The following CCSER1 variants were observed in gnomAD, a reference collection of about 807,000 sequenced individuals.
CCSER1 encodes serine-rich coiled-coil domain-containing protein 1.
Under a neutral mutation model 82.0 loss-of-function variants are expected in CCSER1, and 41 were observed. The observed-to-expected ratio is 0.50, with a 90% CI of 0.39 to 0.65. The LOEUF (loss-of-function observed/expected upper bound fraction) is 0.65, where lower values mean the gene tolerates loss of function less well. CCSER1 is among the 30% of genes least tolerant of loss of function. The pLI is 0.00. For missense variants in CCSER1, 1,119 were observed against 1,064.2 expected, an observed-to-expected ratio of 1.05 and a Z score of -0.72; for synonymous variants, 414 against 383.9, an observed-to-expected ratio of 1.08 and a Z score of -0.92.
intron 3 of CCSER1, among the ~76,000 whole-genome samples, chr4:90,337,663 T>C (rs1303254314): frequency 6.6e-6 from 1 of 152,080 alleles, no homozygotes; most frequent in Non-Finnish European, 1.5e-5. Context: ...TAAAAATTAC[T>C]GAGGATCAAA....
At chr4:90,722,478 A>G (rs1368120391) in intron 6 of CCSER1, among the ~76,000 whole-genome samples, 1 of 151,844 alleles carries the variant, frequency 6.6e-6, no homozygotes, top group Non-Finnish European at 1.5e-5. Context: ...ATAATCAGAG[A>G]GCGAGAGTCA....
At chr4:90,733,985 C>T (rs763093527) in intron 7 of CCSER1, among the ~76,000 whole-genome samples, 9 of 151,942 alleles carry the variant, frequency 5.9e-5, no homozygotes, top group Non-Finnish European at 1.2e-4. Flanking sequence ...TCTTTTTGCT[C>T]AGGATAGCTT....
At chr4:90,958,623 C>G (rs958305567) in intron 9 of CCSER1, among the ~76,000 whole-genome samples, 22 of 151,982 alleles carry the variant, frequency 1.4e-4, no homozygotes, top group Admixed American at 1.4e-3. Flanking sequence ...GTCTCGTGTC[C>G]CTCCCTTGGG....
At chr4:90,918,285 A>G (rs1170850333) in intron 8 of CCSER1, 5 of 453,244 alleles carry the variant, frequency 1.1e-5, no homozygotes, top group Admixed American at 7.2e-5. Flanking sequence ...TTGAAAGTTC[A>G]TCTTTTTCAT....
intron 5 of CCSER1, among the ~76,000 whole-genome samples, chr4:90,473,269 C>T (rs979231338): frequency 2.0e-5 from 3 of 152,118 alleles, no homozygotes; most frequent in African/African-American, 7.2e-5. Context: ...TACCATAACT[C>T]AATGTCTGAA....
At chr4:90,464,284 G>GAAATAAATA (rs1367143884) in intron 4 of CCSER1, among the ~76,000 whole-genome samples, 8 of 152,158 alleles carry the variant, frequency 5.3e-5, no homozygotes, top group Non-Finnish European at 1.2e-4. Context: ...AAATAAATAA[G>GAAATAAATA]ACTAGTGCTT....
chr4:90,654,606 A>C (rs534266644), intron 6 of CCSER1, among the ~76,000 whole-genome samples: 13 of 152,234 alleles, frequency 8.5e-5, no homozygotes, highest in South Asian at 4.1e-4. Flanking sequence ...CATAGAAGCT[A>C]GCTTCCATGA....
At chr4:90,721,623 T>G (rs1329262845) in intron 6 of CCSER1, among the ~76,000 whole-genome samples, 3 of 151,818 alleles carry the variant, frequency 2.0e-5, no homozygotes, top group African/African-American at 7.2e-5. Context: ...ATTTAGATAT[T>G]AAATTGTATC....
At chr4:90,446,925 C>T (rs940808478) in intron 4 of CCSER1, among the ~76,000 whole-genome samples, 61 of 151,718 alleles carry the variant, frequency 4.0e-4, no homozygotes, top group African/African-American at 1.4e-3. Context: ...TTATGATTTT[C>T]TTCTTAACAT....
chr4:90,759,017 C>T (rs1474966705), intron 7 of CCSER1, among the ~76,000 whole-genome samples: 1 of 152,090 alleles, frequency 6.6e-6, no homozygotes, highest in African/African-American at 2.4e-5. Context: ...TTCTCTAAAC[C>T]TCCCTTTTGT....
chr4:91,023,054 C>A (rs546517161), intron 9 of CCSER1, among the ~76,000 whole-genome samples: 159 of 152,174 alleles, frequency 1.0e-3, no homozygotes, highest in Non-Finnish European at 2.0e-3. Flanking sequence ...GTTGCCATTG[C>A]TTTTGGTTCA....
At chr4:90,479,223 A>C (rs560131173) in intron 5 of CCSER1, among the ~76,000 whole-genome samples, 1 of 152,170 alleles carries the variant, frequency 6.6e-6, no homozygotes, top group Non-Finnish European at 1.5e-5. Context: ...TAAAGGAAGA[A>C]TATAAGTAAC....
intron 9 of CCSER1, among the ~76,000 whole-genome samples, chr4:91,079,671 C>T (rs1263169050): frequency 1.3e-5 from 2 of 152,098 alleles, no homozygotes; most frequent in Admixed American, 1.3e-4. Flanking sequence ...ATTCAGGAGA[C>T]CCATCTCACA....
At chr4:90,128,057 C>T (rs956810996) in intron 1 of CCSER1, among the ~76,000 whole-genome samples, 1 of 151,962 alleles carries the variant, frequency 6.6e-6, no homozygotes, top group African/African-American at 2.4e-5. Flanking sequence ...CACCGGCCCG[C>T]GACTCCCAGT....
chr4:90,456,233 G>T (rs1278598770), intron 4 of CCSER1, among the ~76,000 whole-genome samples: 1 of 152,160 alleles, frequency 6.6e-6, no homozygotes, highest in African/African-American at 2.4e-5. Flanking sequence ...ACAGGGGAAA[G>T]AAAACTCTCA....
intron 4 of CCSER1, among the ~76,000 whole-genome samples, chr4:90,431,815 A>G (rs1758309868): frequency 6.6e-6 from 1 of 152,116 alleles, no homozygotes; most frequent in Non-Finnish European, 1.5e-5. Flanking sequence ...GTGAATGTTT[A>G]TGGCTGACAA....
chr4:91,084,983 A>G (rs1248855820), intron 9 of CCSER1, among the ~76,000 whole-genome samples: 6 of 152,004 alleles, frequency 3.9e-5, no homozygotes, highest in Non-Finnish European at 8.8e-5. Flanking sequence ...ACAATATTGC[A>G]CTCCCAGCAT....
chr4:91,214,369 A>G (rs1737070703), intron 10 of CCSER1, among the ~76,000 whole-genome samples: 1 of 152,282 alleles, frequency 6.6e-6, no homozygotes, highest in East Asian at 1.9e-4. Flanking sequence ...CGAACACCCT[A>G]TATGTGATCA....
intron 9 of CCSER1, among the ~76,000 whole-genome samples, chr4:91,041,946 A>T (rs1006239831): frequency 9.2e-5 from 14 of 152,206 alleles, no homozygotes; most frequent in Non-Finnish European, 4.4e-5. Context: ...TTCTTAGTTT[A>T]TCAGAAACTA....
Sources: allele counts gnomAD v4.1 joint callset (sites outside exome capture counted in the v4.1 genomes callset), GRCh38; gene constraint gnomAD v4.1.1; transcripts MANE v1.5; gene names NCBI Gene and HGNC (gene_info 2026-07-23, HGNC 2026-07-21).